The following MTHFD1 variants were observed in gnomAD, a reference collection of about 807,000 sequenced individuals.
MTHFD1 encodes the protein methylenetetrahydrofolate dehydrogenase, cyclohydrolase and formyltetrahydrofolate synthetase 1, also known as C-1-tetrahydrofolate synthase, cytoplasmic.
Under a neutral mutation model 110.3 loss-of-function variants are expected in MTHFD1, and 44 were observed. The observed-to-expected ratio is 0.40, with a 90% CI of 0.31 to 0.51. MTHFD1 has a LOEUF of 0.51. Among genes scored for constraint, MTHFD1 ranks in the 20% least tolerant of loss-of-function variants. The pLI is 0.60. For missense variants in MTHFD1, 909 were observed against 1,173.1 expected, an observed-to-expected ratio of 0.77 and a Z score of 3.29; for synonymous variants, 402 against 428.8, an observed-to-expected ratio of 0.94 and a Z score of 0.77.
At chr14:64,448,853 G>T in intron 23 of MTHFD1, among the ~76,000 whole-genome samples, 1 of 151,240 alleles carries the variant, frequency 6.6e-6, no homozygotes, top group East Asian at 1.9e-4. Context: ...AGGCTGGAGT[G>T]CAGTGGCACG....
At position 64,425,541 on chromosome 14, in the gene MTHFD1, CAG is replaced by C. The variant is rs889941398; in HGVS notation, c.856-188_856-187del. 5.9e-5 allele frequency among the ~76,000 whole-genome samples: 9 copies of C among 152,082 alleles called. 1 individual carries two copies. The highest frequency in any genetic ancestry group is 9.7e-5 in the African/African-American group (4 of 41,438). Reference sequence around the variant, plus strand: ...TCCCTTTCTAACATGCACCAGCTGACAGGGGCCAGGCGAGCAGCCCCAAAGCA... The same window carrying C: ...TCCCTTTCTAACATGCACCAGCTGACGGGCCAGGCGAGCAGCCCCAAAGCA... On this transcript the variant is annotated intron_variant, in intron 9 of 27. Coordinates refer to ENST00000652337, the MANE Select transcript of MTHFD1 (RefSeq NM_005956.4).
At chr14:64,446,163 A>G (rs560652030) in intron 22 of MTHFD1, among the ~76,000 whole-genome samples, 1 of 152,362 alleles carries the variant, frequency 6.6e-6, no homozygotes, top group East Asian at 1.9e-4. Context: ...TAAACATTAT[A>G]AGAATGTAAT....
rs751599350 is a variant in MTHFD1 at position 64,448,337 on chromosome 14, G to A, written c.2279+20G>A. 7.8e-6 allele frequency: 12 copies of A among 1,547,860 alleles called. No individual in the cohort carries two copies. The highest frequency in any genetic ancestry group is 3.3e-5 in the South Asian group (3 of 89,714). ...ATTCAAGTAAGTGTAGAGTGTAAGC[G>A]AAAAGGATGAATGTGGAAAATCTCC... On this transcript the variant is annotated intron_variant, in intron 23 of 27. Coordinates refer to ENST00000652337, the MANE Select transcript of MTHFD1 (RefSeq NM_005956.4).
chr14:64,417,770 G>A lies in MTHFD1; in HGVS notation c.479-118G>A. 7.9e-7 allele frequency: 1 copy of A among 1,269,586 alleles called. No individual in the cohort carries two copies. The highest frequency in any genetic ancestry group is 1.1e-6 in the Non-Finnish European group (1 of 877,594). 78.6% of individuals were successfully genotyped at this position (1,269,586 alleles called of 1,614,324 possible). A position where few individuals can be genotyped will look rare whatever the true frequency, so the allele number is the denominator to read the frequency against. On this transcript the variant is annotated intron_variant, in intron 6 of 27. Coordinates refer to ENST00000652337, the MANE Select transcript of MTHFD1 (RefSeq NM_005956.4). This position sits in a 1 kb window ranked among gnomAD's most constrained non-coding sequence, Gnocchi z 4.4. ...GCCAAAGAAGGAATGCTTTTAGGAAGGTTTCTGTTTGATGTTAAGAACCTG... is the reference window on the plus strand; with the variant it reads ...GCCAAAGAAGGAATGCTTTTAGGAAAGTTTCTGTTTGATGTTAAGAACCTG...
rs1218242213 is a variant in MTHFD1, at chr14:64,419,829, A to T, written c.631A>T (p.Ile211Phe). Residue 211 changes from isoleucine to phenylalanine, a missense_variant, in exon 8 of 28, where the codon ATC (isoleucine) becomes TTC (phenylalanine). By Grantham distance (21) the Ile-to-Phe change is conservative. This residue lies in a region of MTHFD1 where 424 missense variants were observed against 510.4 expected (regional missense o/e 0.83). Transcript: ENST00000652337. ...CTACCCCTAGGTAAATAAAGGTGACATCCTGGTGGTTGCAACTGGTCAGCC... is the reference window on the plus strand; with the variant it reads ...CTACCCCTAGGTAAATAAAGGTGACTTCCTGGTGGTTGCAACTGGTCAGCC... Reference protein sequence around the residue: ...HLDEEVNKGDILVVATGQPEM... With the variant: ...HLDEEVNKGDFLVVATGQPEM... 2 of 1,613,454 alleles carry T rather than the reference A, an allele frequency of 1.2e-6. No homozygotes were observed. The highest frequency in any genetic ancestry group is 1.7e-6 in the Non-Finnish European group (2 of 1,179,508).
At chr14:64,448,633 A>C in intron 23 of MTHFD1, 1 of 359,996 alleles carries the variant, frequency 2.8e-6, no homozygotes, top group South Asian at 2.6e-5. Flanking sequence ...ATAGGCCTAT[A>C]GTGTTCCATT....
chr14:64,442,005 C>G (rs368724092), intron 19 of MTHFD1, 49 bp from the exon 20 acceptor site: 1 of 1,269,978 alleles, frequency 7.9e-7, no homozygotes, highest in South Asian at 1.2e-5. Context: ...TGTGATCCCA[C>G]TTTGAAGCAG....
intron 1 of MTHFD1, among the ~76,000 whole-genome samples, chr14:64,394,241 C>T (rs2077829493): frequency 6.6e-6 from 1 of 152,160 alleles, no homozygotes; most frequent in South Asian, 2.1e-4. Context: ...GACACTTTAG[C>T]CAGAAGCTAA....
At chr14:64,418,637 AC>A (rs1360416773) in intron 7 of MTHFD1, among the ~76,000 whole-genome samples, 1 of 151,410 alleles carries the variant, frequency 6.6e-6, no homozygotes, top group Non-Finnish European at 1.5e-5. Flanking sequence ...GCTCACCACA[AC>A]CTCTGCCTCC....
At chr14:64,408,284 T>TC (rs1555336629) in intron 2 of MTHFD1, among the ~76,000 whole-genome samples, 3,191 of 103,572 alleles carry the variant, frequency 0.031, 216 homozygotes, top group East Asian at 0.1. Context: ...AAATCAGCAT[T>TC]CTTTTTTTTT....
At chr14:64,402,824 A>G (rs2077908975) in intron 2 of MTHFD1, among the ~76,000 whole-genome samples, 1 of 152,076 alleles carries the variant, frequency 6.6e-6, no homozygotes. Flanking sequence ...AATAAAAATA[A>G]AAATAAAAAA....
chr14:64,412,365 G>T, intron 3 of MTHFD1, 107 bp from the exon 4 acceptor site: 1 of 840,778 alleles, frequency 1.2e-6, no homozygotes, highest in Non-Finnish European at 2.1e-6. Flanking sequence ...ATATAAGGGT[G>T]AAATGATGAC....
At chr14:64,453,989 C>T in intron 25 of MTHFD1, 128 bp downstream of exon 25, 1 of 703,316 alleles carries the variant, frequency 1.4e-6, no homozygotes. Context: ...CTTCTCTCCT[C>T]TGAAATACTG....
intron 13 of MTHFD1, 93 bp from the exon 14 acceptor site, chr14:64,431,439 G>C (rs2078159430): frequency 1.9e-5 from 20 of 1,077,730 alleles, no homozygotes; most frequent in Non-Finnish European, 2.6e-5. Flanking sequence ...GTATTCCATT[G>C]GCTTTAAAAT....
chr14:64,431,863 T>C lies in MTHFD1; in HGVS notation c.1494+2T>C, dbSNP rs767392782. The C allele has an allele frequency of 6.2e-7, 1 of 1,613,302 alleles. No homozygotes were observed. Among genetic ancestry groups the C allele is most frequent in the Admixed American group, 1.7e-5 (1 of 60,012 alleles). ...GACATCCAAATCCGAAGGTTAAAGG[T>C]AAGCTTTTTTTCTTCCACATTTTTT... On this transcript the variant is annotated splice_donor_variant, in intron 15 of 27. Transcript: ENST00000652337. LOFTEE classifies it high-confidence loss of function.
At chr14:64,415,202 G>C (rs990067100) in intron 4 of MTHFD1, among the ~76,000 whole-genome samples, 156 bp from the exon 5 acceptor site, 9 of 152,252 alleles carry the variant, frequency 5.9e-5, no homozygotes, top group African/African-American at 1.4e-4. Flanking sequence ...TTAAAGTACA[G>C]GTGCTCTCAG....
At chr14:64,395,510 T>C (rs1032588039) in intron 1 of MTHFD1, among the ~76,000 whole-genome samples, 2 of 152,232 alleles carry the variant, frequency 1.3e-5, no homozygotes, top group Admixed American at 6.5e-5. Flanking sequence ...CCGAAGGTTC[T>C]TTCCTCTTTG....
chr14:64,394,810 A>G (rs2077834356), intron 1 of MTHFD1, among the ~76,000 whole-genome samples: 1 of 152,130 alleles, frequency 6.6e-6, no homozygotes, highest in African/African-American at 2.4e-5. Flanking sequence ...TCTTTTTGAA[A>G]AGCAGGAAGG....
At chr14:64,388,493 G>T (rs1377246605) in intron 1 of MTHFD1, 25 bp downstream of exon 1, 1 of 1,607,166 alleles carries the variant, frequency 6.2e-7, no homozygotes. Flanking sequence ...TTGTTGTTGA[G>T]TGTGGGGCTG....
Sources: allele counts gnomAD v4.1 joint callset (sites outside exome capture counted in the v4.1 genomes callset), GRCh38; gene constraint gnomAD v4.1.1; regional missense constraint gnomAD v4.1.1; non-coding constraint Gnocchi (gnomAD v3.1); transcripts MANE v1.5; gene names NCBI Gene and HGNC (gene_info 2026-07-23, HGNC 2026-07-21).